The following TFPI variants were observed in gnomAD, a reference collection of about 807,000 sequenced individuals.
TFPI encodes tissue factor pathway inhibitor.
In TFPI, 15 loss-of-function variants were observed where a neutral mutation model predicts 34.6. The observed-to-expected ratio is 0.43, with a 90% CI of 0.29 to 0.67. The LOEUF is 0.67. TFPI is among the 30% of genes least tolerant of loss of function. The pLI, the probability that TFPI is intolerant of heterozygous loss-of-function variation, is 0.15. For missense variants in TFPI, 301 were observed against 364.0 expected (o/e 0.83, Z 1.41); for synonymous variants, 105 against 120.1 (o/e 0.87, Z 0.82).
At chr2:187,501,518 A>G (rs1444909725) in intron 2 of TFPI, among the ~76,000 whole-genome samples, 2 of 152,110 alleles carry the variant, frequency 1.3e-5, no homozygotes, top group African/African-American at 4.8e-5. Flanking sequence ...AGGGAAGAAC[A>G]AACACATGTA....
At position 187,466,267 on chromosome 2, in the gene TFPI, T is replaced by G. The variant is rs994847944; in HGVS notation, c.*669A>C. The G allele has an allele frequency of 6.6e-6, 1 of 152,024 alleles. No homozygotes were observed. Among genetic ancestry groups the G allele is most frequent in the Non-Finnish European group, 1.5e-5 (1 of 68,002 alleles). 9.4% of individuals were successfully genotyped at this position (152,024 alleles called of 1,614,324 possible). On this transcript the variant is annotated 3_prime_UTR_variant, in exon 8 of 8. Transcript: ENST00000233156. ...CACACAATTATTCAGTCATCTTGACTGATAGAATGGGCTATGGTCAAACAA... is the reference window on the plus strand; with the variant it reads ...CACACAATTATTCAGTCATCTTGACGGATAGAATGGGCTATGGTCAAACAA...
At chr2:187,508,013 T>G (rs921826244) in intron 1 of TFPI, among the ~76,000 whole-genome samples, 2 of 152,216 alleles carry the variant, frequency 1.3e-5, no homozygotes, top group Admixed American at 6.5e-5. Context: ...AGGTCCAGTT[T>G]CTGTTTTCTG....
intron 1 of TFPI, among the ~76,000 whole-genome samples, chr2:187,513,372 G>A (rs1026496531): frequency 3.3e-5 from 5 of 152,020 alleles, no homozygotes; most frequent in Non-Finnish European, 5.9e-5. Context: ...ATATGTCTAC[G>A]AAGTTTTATG....
Position 187,503,895 on chromosome 2 carries a change from A to G in TFPI, c.-2-125T>C, listed in dbSNP as rs1032353879. On this transcript the variant is annotated intron_variant, in intron 1 of 7. Coordinates refer to ENST00000233156, the MANE Select transcript of TFPI (RefSeq NM_006287.6). Reference sequence around the variant, plus strand: ...TATGCCATTTTATGTGTATACACATACATTTCTCTGTGCATACTCAATGAG... The same window carrying G: ...TATGCCATTTTATGTGTATACACATGCATTTCTCTGTGCATACTCAATGAG... 3 of 1,009,486 alleles carry G rather than the reference A, an allele frequency of 3.0e-6. No homozygotes were observed. The African/African-American group carries it at 4.9e-5, about 16-fold the overall frequency. 62.5% of individuals were successfully genotyped at this position (1,009,486 alleles called of 1,614,324 possible).
chr2:187,469,086 AAATG>A (rs1405035489), intron 6 of TFPI, among the ~76,000 whole-genome samples: 1 of 151,972 alleles, frequency 6.6e-6, no homozygotes, highest in Non-Finnish European at 1.5e-5. Flanking sequence ...AGTGAGAAAA[AAATG>A]AAAAAAAATC....
intron 1 of TFPI, among the ~76,000 whole-genome samples, chr2:187,548,062 C>T (rs1307311239): frequency 6.6e-6 from 1 of 151,870 alleles, no homozygotes. Context: ...ATAGTTAATG[C>T]TCAGCTTTAA....
intron 6 of TFPI, among the ~76,000 whole-genome samples, chr2:187,468,258 G>GACACAC (rs61019402): frequency 8.0e-4 from 118 of 147,128 alleles, no homozygotes; most frequent in African/African-American, 1.9e-3. Context: ...ATTTCTTACA[G>GACACAC]ACACACACAC....
intron 1 of TFPI, among the ~76,000 whole-genome samples, chr2:187,538,978 TA>T (rs1459299390): frequency 4.6e-5 from 7 of 152,174 alleles, no homozygotes; most frequent in Non-Finnish European, 8.8e-5. Context: ...AACATTTGAA[TA>T]ATATTAATAT....
chr2:187,547,387 A>ACT (rs1688922602), intron 1 of TFPI: 1 of 152,186 alleles, frequency 6.6e-6, no homozygotes, highest in African/African-American at 2.4e-5. Context: ...CAGTGTTTTC[A>ACT]CTCCTATTAA....
chr2:187,543,113 T>G (rs979396159), intron 1 of TFPI, among the ~76,000 whole-genome samples: 2 of 152,182 alleles, frequency 1.3e-5, no homozygotes, highest in Non-Finnish European at 2.9e-5. Context: ...AACTAATCAT[T>G]TTTTCTACAT....
intron 1 of TFPI, among the ~76,000 whole-genome samples, chr2:187,522,934 T>TAAA (rs1450762493): frequency 7.0e-6 from 1 of 143,516 alleles, no homozygotes; most frequent in African/African-American, 2.6e-5. Flanking sequence ...AAATAAATAA[T>TAAA]AAAAAACAGA....
intron 1 of TFPI, among the ~76,000 whole-genome samples, chr2:187,510,686 C>T (rs1686561646): frequency 6.6e-6 from 1 of 152,160 alleles, no homozygotes; most frequent in African/African-American, 2.4e-5. Flanking sequence ...TATGGAAAAG[C>T]ACTGTGACAA....
At chr2:187,484,251 C>T (rs1559107338) in intron 5 of TFPI, 35 bp from the exon 6 acceptor site, 1 of 1,573,152 alleles carries the variant, frequency 6.4e-7, no homozygotes, top group South Asian at 1.1e-5. Flanking sequence ...AATAGATAAA[C>T]ATTGTCACAA....
intron 1 of TFPI, among the ~76,000 whole-genome samples, chr2:187,548,810 C>A (rs1183785849): frequency 1.3e-5 from 2 of 151,996 alleles, no homozygotes; most frequent in African/African-American, 4.8e-5. Flanking sequence ...AAAAACAGAT[C>A]TCTCTTGTTA....
chr2:187,480,523 C>T (rs997275627), intron 6 of TFPI, among the ~76,000 whole-genome samples: 4 of 152,112 alleles, frequency 2.6e-5, no homozygotes, highest in Non-Finnish European at 4.4e-5. Flanking sequence ...GGGAATTTAA[C>T]GCATGTCTTC....
chr2:187,467,725 C>A (rs1553519308), intron 7 of TFPI, 28 bp downstream of exon 7: 1 of 1,521,986 alleles, frequency 6.6e-7, no homozygotes, highest in Non-Finnish European at 8.8e-7. Flanking sequence ...AAACACTAGT[C>A]AATTAATGGG....
intron 6 of TFPI, among the ~76,000 whole-genome samples, chr2:187,471,777 A>G (rs1003856288): frequency 6.6e-6 from 1 of 152,018 alleles, no homozygotes; most frequent in South Asian, 2.1e-4. Flanking sequence ...AGATTTGTAC[A>G]GTAAACTTTG....
chr2:187,516,130 C>G (rs1686990629), intron 1 of TFPI: 1 of 152,124 alleles, frequency 6.6e-6, no homozygotes, highest in African/African-American at 2.4e-5. Flanking sequence ...ACTGTTTTAG[C>G]CCAGCAAAAA....
intron 6 of TFPI, among the ~76,000 whole-genome samples, chr2:187,477,657 C>T (rs1692474219): frequency 1.3e-5 from 2 of 152,162 alleles, no homozygotes; most frequent in African/African-American, 4.8e-5. Flanking sequence ...ATAACAATCT[C>T]ATGCAGATTT....
Sources: gnomAD v4.1 joint callset for allele counts (sites outside exome capture counted in the v4.1 genomes callset) on GRCh38, gnomAD v4.1.1 for gene constraint, MANE v1.5 for transcripts, NCBI Gene and HGNC (gene_info 2026-07-23, HGNC 2026-07-21) for gene names.